CDK14: variants seen among roughly 807,000 people sequenced by gnomAD.
CDK14 encodes cyclin-dependent kinase 14.
Under a neutral mutation model 60.7 loss-of-function variants are expected in CDK14, and 34 were observed. That is an observed-to-expected ratio of 0.56 (90% CI 0.43 to 0.75). The LOEUF (loss-of-function observed/expected upper bound fraction) is 0.75, where lower values mean the gene tolerates loss of function less well. Among genes scored for constraint, CDK14 ranks in the 30% least tolerant of loss-of-function variants. CDK14 has a pLI of 0.00. For missense variants in CDK14, 482 were observed against 564.1 expected (o/e 0.85, Z 1.47); for synonymous variants, 197 against 203.7 (o/e 0.97, Z 0.28).
intron 12 of CDK14, among the ~76,000 whole-genome samples, chr7:91,111,123 A>G (rs1388265651): frequency 6.6e-6 from 1 of 152,156 alleles, no homozygotes; most frequent in Non-Finnish European, 1.5e-5. Context: ...CATTGAACCC[A>G]TTTGTGAGGC....
intron 10 of CDK14, 136 bp downstream of exon 10, chr7:90,984,377 C>G: frequency 1.6e-6 from 1 of 634,652 alleles, no homozygotes; most frequent in Non-Finnish European, 2.8e-6. Flanking sequence ...TATTTTGGAC[C>G]TTTGAAAAAG....
At chr7:90,950,479 T>C (rs1794224327) in intron 8 of CDK14, among the ~76,000 whole-genome samples, 1 of 152,120 alleles carries the variant, frequency 6.6e-6, no homozygotes, top group South Asian at 2.1e-4. Context: ...TAAGAGATGA[T>C]ATGAGGACCT....
intron 2 of CDK14, among the ~76,000 whole-genome samples, chr7:90,642,045 C>T (rs1408512189): frequency 6.6e-6 from 1 of 152,220 alleles, no homozygotes; most frequent in African/African-American, 2.4e-5. Flanking sequence ...TTATCTCCCA[C>T]TGGCTCCCTC....
chr7:90,797,421 C>T (rs1788478050), intron 5 of CDK14, among the ~76,000 whole-genome samples: 1 of 151,898 alleles, frequency 6.6e-6, no homozygotes, highest in Admixed American at 6.6e-5. Context: ...AACTTAATTA[C>T]CTTTTTGAAG....
chr7:90,875,834 T>C (rs983030054), intron 6 of CDK14, among the ~76,000 whole-genome samples: 2 of 152,084 alleles, frequency 1.3e-5, no homozygotes, highest in Non-Finnish European at 2.9e-5. Flanking sequence ...ACATATTCTA[T>C]TGAAGTTTCT....
chr7:90,632,362 C>T, intron 2 of CDK14: 1 of 311,524 alleles, frequency 3.2e-6, no homozygotes, highest in Non-Finnish European at 6.7e-6. Flanking sequence ...CTGTTCAGTG[C>T]TGTGGGTGGT....
In CDK14 at chr7:91,209,499, C is replaced by G. The variant is rs1040902803; in HGVS notation, c.*2363C>G. ...TTGCAATCATATTCTCCCTCTGCTTCTTTTCTCTTCTGCCCTCCTTGTGGG... is the reference window on the plus strand; with the variant it reads ...TTGCAATCATATTCTCCCTCTGCTTGTTTTCTCTTCTGCCCTCCTTGTGGG... On this transcript the variant is annotated 3_prime_UTR_variant, in exon 15 of 15. Transcript: ENST00000380050. The G allele has an allele frequency of 2.7e-5, 4 of 150,432 alleles. No individual in the cohort carries two copies. Among genetic ancestry groups the G allele is most frequent in the Non-Finnish European group, 4.4e-5 (3 of 67,594 alleles). The allele number at this position is 150,432 out of a possible 1,614,324, so 9.3% of individuals were successfully genotyped here. A position where few individuals can be genotyped will look rare whatever the true frequency, so the allele number is the denominator to read the frequency against.
rs144243713 is a variant in CDK14 at position 91,154,271 on chromosome 7, C to A, written c.*28+36063C>A. ...TGAATATTTCCCCATGTCATCAAAT[C>A]CTCTTCTGCTTGGTGTATTTTCCTT... is the stretch of plus-strand genomic sequence containing the variant. On this transcript the variant is annotated intron_variant, in intron 14 of 14. Transcript: ENST00000380050. Among the ~76,000 whole-genome samples, 952 of 151,120 alleles carry A rather than the reference C, an allele frequency of 6.3e-3. 12 individuals are homozygous for A. Among genetic ancestry groups the A allele is most frequent in the African/African-American group, 0.022 (904 of 41,124 alleles).
chr7:91,151,274 G>A (rs1428279812), intron 14 of CDK14, among the ~76,000 whole-genome samples: 2 of 152,168 alleles, frequency 1.3e-5, no homozygotes, highest in South Asian at 2.1e-4. Context: ...ACAGGTACAA[G>A]TCCAGTGGGA....
intron 12 of CDK14, among the ~76,000 whole-genome samples, chr7:91,087,176 A>G (rs1334216359): frequency 6.6e-6 from 1 of 152,182 alleles, no homozygotes; most frequent in African/African-American, 2.4e-5. Flanking sequence ...ATGAAACAAT[A>G]TATCCCTCTC....
intron 2 of CDK14, among the ~76,000 whole-genome samples, chr7:90,640,695 C>T (rs532554527): frequency 2.0e-5 from 3 of 151,924 alleles, no homozygotes; most frequent in Non-Finnish European, 2.9e-5. Flanking sequence ...GTGGTTTGAT[C>T]TGTGAGATCA....
intron 10 of CDK14, among the ~76,000 whole-genome samples, chr7:91,042,153 G>A (rs1237384789): frequency 6.6e-6 from 1 of 152,158 alleles, no homozygotes; most frequent in Non-Finnish European, 1.5e-5. Context: ...CAAAATTAGG[G>A]CAGAGCGTTA....
chr7:91,143,145 A>T (rs1410877637), intron 14 of CDK14, among the ~76,000 whole-genome samples: 1 of 152,224 alleles, frequency 6.6e-6, no homozygotes, highest in East Asian at 1.9e-4. Flanking sequence ...TGGGATATTT[A>T]TAGTCAGGGA....
chr7:90,690,991 GA>G (rs1330700371), intron 2 of CDK14, among the ~76,000 whole-genome samples: 1 of 152,084 alleles, frequency 6.6e-6, no homozygotes, highest in Non-Finnish European at 1.5e-5. Flanking sequence ...GCTCAGTTCA[GA>G]CTTAAGTCCT....
At chr7:90,654,520 G>A (rs773090313) in intron 2 of CDK14, among the ~76,000 whole-genome samples, 6 of 152,106 alleles carry the variant, frequency 3.9e-5, no homozygotes, top group Admixed American at 6.6e-5. Flanking sequence ...CTGAAACTTT[G>A]CTTTTTAGAA....
intron 7 of CDK14, among the ~76,000 whole-genome samples, chr7:90,908,012 T>G (rs1008941197): frequency 3.3e-5 from 5 of 152,176 alleles, no homozygotes; most frequent in African/African-American, 1.2e-4. Context: ...TATAGAGCCT[T>G]TCCTCATTCT....
chr7:90,940,320 A>G (rs1385890985), intron 8 of CDK14, among the ~76,000 whole-genome samples: 1 of 152,078 alleles, frequency 6.6e-6, no homozygotes, highest in African/African-American at 2.4e-5. Context: ...TCCATTAACA[A>G]TATATTATAG....
intron 14 of CDK14, among the ~76,000 whole-genome samples, chr7:91,157,681 C>T (rs1357299423): frequency 1.3e-5 from 2 of 152,182 alleles, no homozygotes; most frequent in South Asian, 2.1e-4. Flanking sequence ...TCATATCCCA[C>T]AGATGTATGA....
chr7:91,063,632 C>G (rs879605094), intron 11 of CDK14, among the ~76,000 whole-genome samples: 5 of 152,272 alleles, frequency 3.3e-5, no homozygotes, highest in Admixed American at 3.3e-4. Context: ...AATGCCAATC[C>G]TCACTCTCCA....
Sources: gnomAD v4.1 joint callset for allele counts (sites outside exome capture counted in the v4.1 genomes callset) on GRCh38, gnomAD v4.1.1 for gene constraint, MANE v1.5 for transcripts, NCBI Gene and HGNC (gene_info 2026-07-23, HGNC 2026-07-21) for gene names.